PAQR8: variants seen among roughly 807,000 people sequenced by gnomAD.
The protein encoded by PAQR8 is progestin and adipoQ receptor family member 8, also known as membrane progestin receptor beta.
A neutral mutation model predicts 25.2 loss-of-function variants in PAQR8; 17 were observed. The observed-to-expected ratio is 0.67, with a 90% CI of 0.46 to 1.01. PAQR8 has a LOEUF of 1.01. PAQR8 is among the 50% of genes least tolerant of loss of function. PAQR8 has a pLI of 0.00. For missense variants in PAQR8, 392 were observed against 448.4 expected (o/e 0.87, Z 1.14); for synonymous variants, 204 against 190.6 (o/e 1.07, Z -0.58).
intron 1 of PAQR8, among the ~76,000 whole-genome samples, chr6:52,402,261 G>C (rs924197026): frequency 2.0e-5 from 3 of 152,118 alleles, no homozygotes; most frequent in African/African-American, 7.2e-5. Flanking sequence ...CTACTTGGGA[G>C]GCTGAGGCAG....
chr6:52,388,150 C>A (rs12234143), intron 1 of PAQR8, among the ~76,000 whole-genome samples: 10 of 152,038 alleles, frequency 6.6e-5, no homozygotes, highest in African/African-American at 2.4e-4. Flanking sequence ...CCAAGGTGGG[C>A]GGGTCACTTG....
At chr6:52,381,322 C>T (rs1249371945) in intron 1 of PAQR8, among the ~76,000 whole-genome samples, 2 of 126,782 alleles carry the variant, frequency 1.6e-5, no homozygotes, top group East Asian at 6.2e-4. Flanking sequence ...AAAAGCACAG[C>T]AATGGCTGGG....
rs542313954 is a variant in PAQR8, at chr6:52,403,552, C to G, written c.339C>G (p.Leu113=). ...PWASTHSLPL[L]LFILSSITYL... ...CGTCTACCCACTCCCTGCCTCTGCTCCTCTTCATCCTGTCGTCAATCACTT... is the reference window on the plus strand; with the variant it reads ...CGTCTACCCACTCCCTGCCTCTGCTGCTCTTCATCCTGTCGTCAATCACTT... The change falls in exon 2 of 2, where the codon CTC becomes CTG. Residue 113 remains leucine, a synonymous_variant. Coordinates refer to ENST00000442253, the MANE Select transcript of PAQR8 (RefSeq NM_133367.5). 1.9e-6 allele frequency: 3 copies of G among 1,614,108 alleles called. No individual in the cohort carries two copies. The African/African-American group carries it at 4.0e-5, about 21-fold the overall frequency.
At chr6:52,392,616 T>C (rs1007652633) in intron 1 of PAQR8, among the ~76,000 whole-genome samples, 5 of 152,212 alleles carry the variant, frequency 3.3e-5, no homozygotes, top group Non-Finnish European at 4.4e-5. Context: ...AAAGGCTTTT[T>C]AGGTAGCTTG....
intron 1 of PAQR8, among the ~76,000 whole-genome samples, chr6:52,371,782 C>G (rs1248702686): frequency 1.3e-5 from 2 of 152,170 alleles, no homozygotes; most frequent in Non-Finnish European, 2.9e-5. Context: ...TACCTTTGGT[C>G]CCTGCAACAA....
intron 1 of PAQR8, among the ~76,000 whole-genome samples, chr6:52,393,612 T>C (rs1334619873): frequency 6.6e-6 from 1 of 152,196 alleles, no homozygotes; most frequent in African/African-American, 2.4e-5. Context: ...ATTACAGGTG[T>C]GAGCCACTGT....
intron 1 of PAQR8, among the ~76,000 whole-genome samples, chr6:52,394,944 T>G (rs898618236): frequency 1.3e-5 from 2 of 152,038 alleles, no homozygotes; most frequent in East Asian, 3.9e-4. Context: ...AAAAAAAAAT[T>G]TGAAAGGCGC....
At chr6:52,368,983 T>C (rs954738097) in intron 1 of PAQR8, among the ~76,000 whole-genome samples, 1 of 152,130 alleles carries the variant, frequency 6.6e-6, no homozygotes. Flanking sequence ...TGGCACTCAT[T>C]CTCTCTCCTG....
chr6:52,389,883 G>C (rs1455038038), intron 1 of PAQR8, among the ~76,000 whole-genome samples: 1 of 152,226 alleles, frequency 6.6e-6, no homozygotes, highest in Admixed American at 6.5e-5. Context: ...TTGCAGATCA[G>C]TGATGAAGCT....
chr6:52,365,903 G>C (rs1763346171), intron 1 of PAQR8, among the ~76,000 whole-genome samples: 1 of 151,970 alleles, frequency 6.6e-6, no homozygotes, highest in Non-Finnish European at 1.5e-5. Flanking sequence ...GGTGTGGTAA[G>C]GCAAATCTGA....
chr6:52,366,410 A>G (rs1763354494), intron 1 of PAQR8, among the ~76,000 whole-genome samples: 1 of 152,186 alleles, frequency 6.6e-6, no homozygotes, highest in Non-Finnish European at 1.5e-5. Flanking sequence ...TTCTTCTCCT[A>G]ATGGCCTGTG....
chr6:52,393,524 T>C (rs1375964731), intron 1 of PAQR8, among the ~76,000 whole-genome samples: 1 of 151,640 alleles, frequency 6.6e-6, no homozygotes, highest in Non-Finnish European at 1.5e-5. Context: ...AGAGATAGAG[T>C]CTTGCTGTGT....
chr6:52,395,685 G>C (rs1271709317), intron 1 of PAQR8, among the ~76,000 whole-genome samples: 1 of 152,192 alleles, frequency 6.6e-6, no homozygotes, highest in Non-Finnish European at 1.5e-5. Context: ...TTTTTACTAA[G>C]TTATATCCTT....
At chr6:52,370,352 G>C (rs975614732) in intron 1 of PAQR8, among the ~76,000 whole-genome samples, 1 of 152,172 alleles carries the variant, frequency 6.6e-6, no homozygotes, top group Non-Finnish European at 1.5e-5. Flanking sequence ...TAGGATATTT[G>C]TCAGTTCATT....
At chr6:52,391,474 A>G (rs773992489) in intron 1 of PAQR8, among the ~76,000 whole-genome samples, 12 of 152,206 alleles carry the variant, frequency 7.9e-5, no homozygotes, top group Non-Finnish European at 1.6e-4. Flanking sequence ...GTGAATCTGA[A>G]TCGATGTTCA....
At chr6:52,363,553 AAACGAGGAAAATCCAC>A (rs375154021) in intron 1 of PAQR8, among the ~76,000 whole-genome samples, 5 of 152,292 alleles carry the variant, frequency 3.3e-5, no homozygotes, top group African/African-American at 1.2e-4. Context: ...TTCTGGGTAA[AAACGAGGAAAATCCAC>A]AACAAATACA....
chr6:52,403,285 G>A lies in PAQR8; in HGVS notation c.72G>A (p.Lys24=). The change falls in exon 2 of 2, where the codon AAG becomes AAA. Residue 24 remains lysine (K), a synonymous_variant. Transcript: ENST00000442253. The stretch of plus-strand genomic sequence containing the variant: ...GGCAGCAGCTGCGCCGCCTGCCCAA[G>A]ATCCTGGAGGATGGGCTTCCCAAGA... ...VSGQQLRRLP[K]ILEDGLPKMP... 1.2e-6 allele frequency: 2 copies of A among 1,613,552 alleles called. No individual in the cohort carries two copies. The highest frequency in any genetic ancestry group is 1.7e-6 in the Non-Finnish European group (2 of 1,179,550).
chr6:52,406,950 GA>G lies in PAQR8; in HGVS notation c.*2675del, dbSNP rs1384656780. On this transcript the variant is annotated 3_prime_UTR_variant, in exon 2 of 2. Transcript: ENST00000442253. ...CCCTCAGAATATCAGAATCTTCTTAGAAATAAACTAGGAAATGCAGATGTTT... is the reference window on the plus strand; with the variant it reads ...CCCTCAGAATATCAGAATCTTCTTAGAATAAACTAGGAAATGCAGATGTTT... 5.5e-6 allele frequency: 1 copy of G among 180,698 alleles called. No homozygotes were observed. The highest frequency in any genetic ancestry group is 1.3e-5 in the Non-Finnish European group (1 of 77,404). 11.2% of individuals were successfully genotyped at this position (180,698 alleles called of 1,614,324 possible). A position where few individuals can be genotyped will look rare whatever the true frequency, so the allele number is the denominator to read the frequency against.
chr6:52,391,324 C>T (rs1763706784), intron 1 of PAQR8, among the ~76,000 whole-genome samples: 1 of 152,150 alleles, frequency 6.6e-6, no homozygotes, highest in South Asian at 2.1e-4. Context: ...TGTAAATATG[C>T]TAGTTATTTT....
Sources: gnomAD v4.1 joint callset for allele counts (sites outside exome capture counted in the v4.1 genomes callset) on GRCh38, gnomAD v4.1.1 for gene constraint, MANE v1.5 for transcripts, NCBI Gene and HGNC (gene_info 2026-07-23, HGNC 2026-07-21) for gene names.